Variants in CPNE4 observed in about 807,000 individuals in gnomAD.
CPNE4 encodes copine-4.
CPNE4 carries 25 observed loss-of-function variants against 67.9 expected under a neutral mutation model. That is an observed-to-expected ratio of 0.37 (90% CI 0.27 to 0.51). CPNE4 has a LOEUF of 0.51. Among genes scored for constraint, CPNE4 ranks in the 20% least tolerant of loss-of-function variants. CPNE4 has a pLI of 0.93. For missense variants in CPNE4, 464 were observed against 690.8 expected (o/e 0.67, Z 3.68); for synonymous variants, 242 against 244.9 (o/e 0.99, Z 0.11).
At chr3:131,714,824 A>G (rs2081644659) in intron 3 of CPNE4, among the ~76,000 whole-genome samples, 1 of 152,194 alleles carries the variant, frequency 6.6e-6, no homozygotes, top group African/African-American at 2.4e-5. Flanking sequence ...AAGATGGTAT[A>G]TAATCTCTCT....
chr3:131,923,121 G>A (rs2070786656), intron 1 of CPNE4, among the ~76,000 whole-genome samples: 3 of 152,146 alleles, frequency 2.0e-5, no homozygotes, highest in Admixed American at 2.0e-4. Context: ...GCTCATGGGA[G>A]GTTTAAAAAT....
rs1351777203 is a variant in CPNE4 at position 131,552,074 on chromosome 3, A to G, written c.1168+366T>C. 2.6e-5 allele frequency among the ~76,000 whole-genome samples: 4 copies of G among 152,032 alleles called. No individual in the cohort carries two copies. The East Asian group carries it at 7.8e-4, about 29-fold the overall frequency. On this transcript the variant is annotated intron_variant, in intron 13 of 15. Coordinates refer to ENST00000429747, the MANE Select transcript of CPNE4 (RefSeq NM_130808.3). Reference sequence around the variant, plus strand: ...CAGAGATGAAGTTGTGAAAAAAAAAAAAAAAAAACACTTGATGAAAATTTG... The same window carrying G: ...CAGAGATGAAGTTGTGAAAAAAAAAGAAAAAAAACACTTGATGAAAATTTG...
chr3:132,023,137 T>G (rs1203601012), intron 1 of CPNE4, among the ~76,000 whole-genome samples: 1 of 152,190 alleles, frequency 6.6e-6, no homozygotes, highest in Admixed American at 6.5e-5. Flanking sequence ...AAGGGCTGTA[T>G]TTCAGTCGTT....
chr3:131,875,156 C>A (rs6787755), intron 2 of CPNE4, among the ~76,000 whole-genome samples: 28 of 151,874 alleles, frequency 1.8e-4, no homozygotes, highest in South Asian at 2.1e-4. Flanking sequence ...ACTCTGAAAT[C>A]CATGAGTTTT....
chr3:131,602,267 G>GCAA (rs556737018), intron 7 of CPNE4, among the ~76,000 whole-genome samples: 4 of 152,158 alleles, frequency 2.6e-5, no homozygotes, highest in South Asian at 2.1e-4. Flanking sequence ...CAATTCAACA[G>GCAA]CAACAACAAC....
At chr3:131,770,220 G>A (rs563677609) in intron 2 of CPNE4, among the ~76,000 whole-genome samples, 34 of 152,272 alleles carry the variant, frequency 2.2e-4, no homozygotes, top group African/African-American at 7.5e-4. Context: ...TTTGAAGGGA[G>A]CTTTTCCTGT....
intron 10 of CPNE4, among the ~76,000 whole-genome samples, chr3:131,567,772 G>A (rs1937131353): frequency 6.6e-6 from 1 of 152,004 alleles, no homozygotes; most frequent in Non-Finnish European, 1.5e-5. Flanking sequence ...TAGGGAAAGG[G>A]AATGGCCAGG....
rs546102618 is a variant in CPNE4, at chr3:131,771,364, T to C, written c.181-47739A>G. 9.2e-5 allele frequency among the ~76,000 whole-genome samples: 14 copies of C among 152,278 alleles called. No homozygotes were observed. The South Asian group carries it at 2.7e-3, about 29-fold the overall frequency. On this transcript the variant is annotated intron_variant, in intron 2 of 15. Transcript: ENST00000429747. ...TCATGTTGAAACTCGATCCGAATGT[T>C]GAGGGTGGGACCTAATGTGAGGTGT...
chr3:131,755,348 G>T (rs1444565942), intron 2 of CPNE4, among the ~76,000 whole-genome samples: 1 of 152,082 alleles, frequency 6.6e-6, no homozygotes, highest in African/African-American at 2.4e-5. Flanking sequence ...GGAGACAGTG[G>T]TTGCAACTAC....
intron 2 of CPNE4, among the ~76,000 whole-genome samples, chr3:131,781,967 C>T (rs2083441002): frequency 6.6e-6 from 1 of 152,052 alleles, no homozygotes; most frequent in Non-Finnish European, 1.5e-5. Flanking sequence ...AGAGAGGGTG[C>T]TCAAGAGTTG....
intron 10 of CPNE4, among the ~76,000 whole-genome samples, chr3:131,570,263 C>T (rs1937265752): frequency 6.6e-6 from 1 of 151,610 alleles, no homozygotes; most frequent in African/African-American, 2.4e-5. Flanking sequence ...TATGAAAAAG[C>T]AATAACCTTC....
At chr3:131,665,634 G>A (rs2080239228) in intron 7 of CPNE4, among the ~76,000 whole-genome samples, 1 of 151,306 alleles carries the variant, frequency 6.6e-6, no homozygotes, top group African/African-American at 2.4e-5. Flanking sequence ...AATCCAGCCT[G>A]GGCAACAGAG....
chr3:132,016,405 T>C (rs1286190818), intron 1 of CPNE4, among the ~76,000 whole-genome samples: 1 of 152,216 alleles, frequency 6.6e-6, no homozygotes, highest in Non-Finnish European at 1.5e-5. Context: ...AGCAGGTTTT[T>C]GCCTGCAACA....
chr3:131,791,652 T>C (rs945270078), intron 2 of CPNE4, among the ~76,000 whole-genome samples: 2 of 152,174 alleles, frequency 1.3e-5, no homozygotes, highest in African/African-American at 4.8e-5. Flanking sequence ...ACAGTACAGA[T>C]GGAACTGGAA....
At chr3:131,838,461 C>A (rs1285359362) in intron 2 of CPNE4, among the ~76,000 whole-genome samples, 3 of 151,472 alleles carry the variant, frequency 2.0e-5, no homozygotes, top group Non-Finnish European at 4.4e-5. Flanking sequence ...CACAGGTATG[C>A]AAAGCACTTA....
intron 7 of CPNE4, among the ~76,000 whole-genome samples, chr3:131,616,469 A>G (rs1209035925): frequency 6.6e-6 from 1 of 152,146 alleles, no homozygotes. Flanking sequence ...CAATTTTTTC[A>G]GGTGAATTCT....
At position 131,813,028 on chromosome 3, in the gene CPNE4, AT is replaced by A. The variant is rs565216065; in HGVS notation, c.181-89404del. On this transcript the variant is annotated intron_variant, in intron 2 of 15. Coordinates refer to ENST00000429747, the MANE Select transcript of CPNE4 (RefSeq NM_130808.3). ...AGGTTAAAATCTGAAAATAATCAGC[AT>A]GTTCAACCACTAAAGAATAGTTAAG... Among the ~76,000 whole-genome samples the A allele has an allele frequency of 4.3e-3, 654 of 152,324 alleles. 2 individuals carry two copies. The highest frequency in any genetic ancestry group is 0.014 in the Middle Eastern group (4 of 290).
intron 2 of CPNE4, among the ~76,000 whole-genome samples, chr3:131,764,238 G>T (rs1194479127): frequency 6.6e-6 from 1 of 150,844 alleles, no homozygotes; most frequent in East Asian, 2.0e-4. Flanking sequence ...AAAAAAGCAG[G>T]TTATAAAATA....
chr3:131,622,240 C>T (rs1361374533), intron 7 of CPNE4, among the ~76,000 whole-genome samples: 3 of 152,004 alleles, frequency 2.0e-5, no homozygotes, highest in African/African-American at 7.2e-5. Context: ...TCTTGGGAAC[C>T]TCCTTTTACC....
Sources: allele counts gnomAD v4.1 joint callset (sites outside exome capture counted in the v4.1 genomes callset), GRCh38; gene constraint gnomAD v4.1.1; transcripts MANE v1.5; gene names NCBI Gene and HGNC (gene_info 2026-07-23, HGNC 2026-07-21).